CHRM5: variants seen among roughly 807,000 people sequenced by gnomAD.
CHRM5 encodes the protein cholinergic receptor muscarinic 5, also known as muscarinic acetylcholine receptor M5.
In CHRM5, 18 loss-of-function variants were observed where a neutral mutation model predicts 39.0. That is an observed-to-expected ratio of 0.46 (90% CI 0.32 to 0.68). The LOEUF (loss-of-function observed/expected upper bound fraction) is 0.68. Among genes scored for constraint, CHRM5 ranks in the 30% least tolerant of loss-of-function variants. The pLI, the probability that CHRM5 is intolerant of heterozygous loss-of-function variation, is 0.04. For missense variants in CHRM5, 515 were observed against 651.1 expected (o/e 0.79, Z 2.28); for synonymous variants, 241 against 246.3 (o/e 0.98, Z 0.20).
chr15:34,038,762 C>T (rs1368505531), intron 1 of CHRM5: 15 of 1,163,648 alleles, frequency 1.3e-5, no homozygotes, highest in Non-Finnish European at 1.6e-5. Flanking sequence ...CCCAGCCCCA[C>T]CAGCCGTCGC....
intron 1 of CHRM5, among the ~76,000 whole-genome samples, chr15:33,995,059 C>G (rs1896877757): frequency 6.6e-6 from 1 of 152,160 alleles, no homozygotes; most frequent in Non-Finnish European, 1.5e-5. Context: ...ACCAGGAATT[C>G]AAGACCAGCC....
At chr15:34,017,323 G>C (rs1478754386) in intron 1 of CHRM5, among the ~76,000 whole-genome samples, 1 of 151,980 alleles carries the variant, frequency 6.6e-6, no homozygotes, top group African/African-American at 2.4e-5. Context: ...TCTCATCCCT[G>C]TTCCATAAAG....
chr15:34,058,146 G>C (rs554082023), intron 2 of CHRM5, among the ~76,000 whole-genome samples: 1 of 152,046 alleles, frequency 6.6e-6, no homozygotes, highest in Non-Finnish European at 1.5e-5. Context: ...TCAAATGATC[G>C]AATGAGGCCT....
At chr15:33,997,903 C>T (rs1468016876) in intron 1 of CHRM5, among the ~76,000 whole-genome samples, 2 of 152,118 alleles carry the variant, frequency 1.3e-5, no homozygotes, top group East Asian at 3.9e-4. Context: ...TTTATGAATA[C>T]CAACTTCATG....
At chr15:34,039,086 C>T (rs1899333673) in intron 1 of CHRM5, 2 of 1,078,702 alleles carry the variant, frequency 1.9e-6, no homozygotes, top group Non-Finnish European at 2.2e-6. Flanking sequence ...GGGAGCCGAG[C>T]TGCGGCGGAG....
intron 1 of CHRM5, among the ~76,000 whole-genome samples, chr15:33,978,400 A>T (rs140131531): frequency 0.011 from 1,606 of 152,308 alleles, 32 homozygotes; most frequent in African/African-American, 0.037. Context: ...ACGATGGCTC[A>T]CGCCTGTAAT....
intron 1 of CHRM5, chr15:34,038,918 G>GT: frequency 4.2e-6 from 3 of 715,926 alleles, no homozygotes; most frequent in Non-Finnish European, 5.2e-6. Context: ...CGTCCCCGCC[G>GT]CCGCCTCCGC....
intron 1 of CHRM5, among the ~76,000 whole-genome samples, chr15:34,000,786 G>A (rs1262564782): frequency 1.3e-5 from 2 of 152,106 alleles, no homozygotes; most frequent in Non-Finnish European, 2.9e-5. Context: ...ATCAGCAACA[G>A]AGTGGGAAAG....
At chr15:34,033,519 A>G (rs553961075) in intron 1 of CHRM5, among the ~76,000 whole-genome samples, 2,149 of 152,258 alleles carry the variant, frequency 0.014, 27 homozygotes, top group South Asian at 0.026. Context: ...AAAAAAAAAA[A>G]AATTGCAAAT....
chr15:34,058,595 G>C (rs1286594110), intron 2 of CHRM5, among the ~76,000 whole-genome samples: 4 of 63,992 alleles, frequency 6.3e-5, no homozygotes, highest in Admixed American at 1.6e-4. Flanking sequence ...CACACACACA[G>C]CCTGAAGTAA....
chr15:33,984,345 C>T (rs1449071198), intron 1 of CHRM5, among the ~76,000 whole-genome samples: 1 of 151,464 alleles, frequency 6.6e-6, no homozygotes, highest in Non-Finnish European at 1.5e-5. Flanking sequence ...AGTTAATCTA[C>T]ATACAAGATA....
chr15:33,991,963 G>T, intron 1 of CHRM5: 1 of 152,638 alleles, frequency 6.6e-6, no homozygotes. Context: ...TGATAGTTCA[G>T]GATGATGAAA....
chr15:34,021,473 C>T (rs1285755555), intron 1 of CHRM5, among the ~76,000 whole-genome samples: 3 of 151,804 alleles, frequency 2.0e-5, no homozygotes, highest in South Asian at 4.2e-4. Flanking sequence ...TTAGTATATA[C>T]GGGGTTTCTC....
intron 1 of CHRM5, among the ~76,000 whole-genome samples, chr15:33,981,466 A>C (rs1045807284): frequency 6.6e-6 from 1 of 152,196 alleles, no homozygotes; most frequent in Non-Finnish European, 1.5e-5. Context: ...AGTAGCCAAA[A>C]GCTTTCTTCT....
intron 1 of CHRM5, chr15:33,971,985 A>T (rs1222916461): frequency 6.6e-6 from 1 of 152,116 alleles, no homozygotes; most frequent in Non-Finnish European, 1.5e-5. Context: ...TGAACTAGCT[A>T]AAAGAGAGAT....
intron 1 of CHRM5, among the ~76,000 whole-genome samples, chr15:34,029,887 A>G (rs1465665922): frequency 6.6e-6 from 1 of 152,236 alleles, no homozygotes; most frequent in Non-Finnish European, 1.5e-5. Flanking sequence ...GGAAAAAATG[A>G]TGTTGAAACA....
intron 1 of CHRM5, among the ~76,000 whole-genome samples, chr15:34,037,109 CAAA>C (rs59011779): frequency 1.5e-5 from 2 of 137,692 alleles, no homozygotes; most frequent in African/African-American, 5.6e-5. Flanking sequence ...AACTCCGTCT[CAAA>C]AAAAAAAAAA....
Position 34,047,809 on chromosome 15 carries a change from C to T in CHRM5, c.-76+938C>T, listed in dbSNP as rs759787123. ...TGTCACCCAGGCTGGAGTGCAATGG[C>T]GCAATCTCGGCTTACTGCAACCTCT... On this transcript the variant is annotated intron_variant, in intron 2 of 2. Transcript: ENST00000383263. Among the ~76,000 whole-genome samples, 4 of 152,138 alleles carry T rather than the reference C, an allele frequency of 2.6e-5. 1 individual carries two copies. The highest frequency in any genetic ancestry group is 4.2e-4 in the South Asian group (2 of 4,806).
intron 1 of CHRM5, among the ~76,000 whole-genome samples, chr15:33,986,493 A>G (rs1249586864): frequency 1.3e-5 from 2 of 152,130 alleles, no homozygotes; most frequent in Non-Finnish European, 2.9e-5. Flanking sequence ...ATAAAACCAC[A>G]TTAATTATCT....
Sources: allele counts gnomAD v4.1 joint callset (sites outside exome capture counted in the v4.1 genomes callset), GRCh38; gene constraint gnomAD v4.1.1; transcripts MANE v1.5; gene names NCBI Gene and HGNC (gene_info 2026-07-23, HGNC 2026-07-21).